The following FILIP1L variants were observed in gnomAD, a reference collection of about 807,000 sequenced individuals.
FILIP1L encodes filamin A interacting protein 1 like.
FILIP1L carries 55 observed loss-of-function variants against 96.6 expected under a neutral mutation model. The observed-to-expected ratio is 0.57, with a 90% confidence interval of 0.46 to 0.71. The LOEUF (loss-of-function observed/expected upper bound fraction) is 0.71, where lower values mean the gene tolerates loss of function less well. Ranked by LOEUF, FILIP1L falls within the 30% of genes least tolerant of loss-of-function variation. The pLI, the probability that FILIP1L is intolerant of heterozygous loss-of-function variation, is 0.00. For synonymous variants in FILIP1L, 467 were observed against 473.9 expected (o/e 0.99, Z 0.19); for missense variants, 1,304 against 1,321.2 (o/e 0.99, Z 0.20).
chr3:100,077,770 C>A (rs2065872580), intron 1 of FILIP1L, among the ~76,000 whole-genome samples: 1 of 152,048 alleles, frequency 6.6e-6, no homozygotes, highest in Admixed American at 6.6e-5. Context: ...ATTAGCCAAG[C>A]ATGGCTGTGC....
chr3:99,997,414 G>T (rs775263178), intron 1 of FILIP1L, among the ~76,000 whole-genome samples: 51 of 152,318 alleles, frequency 3.3e-4, no homozygotes, highest in Non-Finnish European at 6.0e-4. Flanking sequence ...TTGGGAAAAT[G>T]AGTCACATGT....
chr3:100,108,156 A>G (rs1480810921), intron 1 of FILIP1L, among the ~76,000 whole-genome samples: 1 of 152,174 alleles, frequency 6.6e-6, no homozygotes, highest in Non-Finnish European at 1.5e-5. Context: ...TGACATTTCT[A>G]GCCCATGGCT....
At chr3:99,957,095 A>G (rs757501885) in intron 1 of FILIP1L, among the ~76,000 whole-genome samples, 7 of 152,220 alleles carry the variant, frequency 4.6e-5, no homozygotes, top group Non-Finnish European at 1.0e-4. Context: ...TAAGAATAAA[A>G]ATACTTGTGT....
intron 1 of FILIP1L, among the ~76,000 whole-genome samples, chr3:100,009,471 G>C (rs1710081000): frequency 6.6e-6 from 1 of 152,126 alleles, no homozygotes; most frequent in Admixed American, 6.5e-5. Context: ...GTGACTGTGG[G>C]TCAGAGCTAA....
chr3:99,919,109 C>T (rs956470759), intron 4 of FILIP1L, among the ~76,000 whole-genome samples: 61 of 151,826 alleles, frequency 4.0e-4, no homozygotes, highest in African/African-American at 1.5e-3. Context: ...TTGTAGGATA[C>T]CCTTAAAAGC....
chr3:100,006,176 G>A (rs1354118530), intron 1 of FILIP1L, among the ~76,000 whole-genome samples: 1 of 152,070 alleles, frequency 6.6e-6, no homozygotes, highest in Admixed American at 6.6e-5. Context: ...CTGGGGGCTG[G>A]GGCAGTAAGA....
intron 4 of FILIP1L, among the ~76,000 whole-genome samples, chr3:99,867,235 A>G (rs1489468219): frequency 6.6e-6 from 1 of 152,190 alleles, no homozygotes; most frequent in Non-Finnish European, 1.5e-5. Context: ...GTCCCTGAGC[A>G]GGAGTTTCAC....
chr3:100,057,377 A>T (rs1159849933), intron 1 of FILIP1L, among the ~76,000 whole-genome samples: 1 of 152,206 alleles, frequency 6.6e-6, no homozygotes, highest in Non-Finnish European at 1.5e-5. Context: ...AATACTCATT[A>T]TATCATCAAG....
intron 1 of FILIP1L, among the ~76,000 whole-genome samples, chr3:99,992,349 T>A (rs1709549078): frequency 6.6e-6 from 1 of 152,114 alleles, no homozygotes; most frequent in African/African-American, 2.4e-5. Context: ...TTTGACTCTT[T>A]AATAATAGCC....
chr3:99,837,863 T>G (rs1220195070), intron 5 of FILIP1L, among the ~76,000 whole-genome samples: 5 of 152,228 alleles, frequency 3.3e-5, no homozygotes, highest in African/African-American at 1.2e-4. Flanking sequence ...GTGGTGCTTG[T>G]CTTTATAGTG....
At chr3:100,014,895 C>CTTTTTT (rs1233573719) in intron 1 of FILIP1L, among the ~76,000 whole-genome samples, 10 of 25,008 alleles carry the variant, frequency 4.0e-4, no homozygotes, top group African/African-American at 1.1e-3. Flanking sequence ...TTCTTTCTTT[C>CTTTTTT]TTTTTTTTTT....
Position 99,900,739 on chromosome 3 carries a change from C to A in FILIP1L, c.605+23491G>T, listed in dbSNP as rs576771309. On this transcript the variant is annotated intron_variant, in intron 4 of 5. Transcript: ENST00000477258. ...GTGCTGATACTCAAACTGAGCTGCA[C>A]GTTGGAACTACCTGGTGTGAGCTTT... Among the ~76,000 whole-genome samples the A allele has an allele frequency of 5.3e-5, 8 of 152,302 alleles. No individual in the cohort carries two copies. The South Asian group carries it at 1.4e-3, about 28-fold the overall frequency.
rs943040073 is a variant in FILIP1L, at chr3:99,850,452, T to A, written c.1224A>T (p.Leu408Phe). Residue 408 changes from leucine to phenylalanine, a missense_variant, in exon 5 of 6, where the codon TTA becomes TTT. Coordinates refer to ENST00000477258, the MANE Select transcript of FILIP1L (RefSeq NM_001387850.1). ...CCTCTAGTTTAAAGTCTTTACTCTG[T>A]AACGTCTCCCTTTCAAGCCTCTTAT... Reference protein sequence around the residue: ...DLNKRLERETLQSKDFKLEVE... With the variant: ...DLNKRLERETFQSKDFKLEVE... 2 of 1,614,086 alleles carry A rather than the reference T, an allele frequency of 1.2e-6. No individual in the cohort carries two copies. The highest frequency in any genetic ancestry group is 8.5e-7 in the Non-Finnish European group (1 of 1,180,012).
At chr3:100,046,725 C>T (rs1277327375) in intron 1 of FILIP1L, among the ~76,000 whole-genome samples, 1 of 152,194 alleles carries the variant, frequency 6.6e-6, no homozygotes, top group Non-Finnish European at 1.5e-5. Flanking sequence ...GAGAAAAATA[C>T]TCAAAATGCT....
intron 4 of FILIP1L, among the ~76,000 whole-genome samples, chr3:99,917,375 A>T (rs191723694): frequency 1.3e-5 from 2 of 152,320 alleles, no homozygotes; most frequent in Non-Finnish European, 2.9e-5. Context: ...GACCTCCCGT[A>T]ACACCAGGCA....
chr3:99,840,598 T>C (rs757158038), intron 5 of FILIP1L, among the ~76,000 whole-genome samples: 2 of 152,200 alleles, frequency 1.3e-5, no homozygotes, highest in Non-Finnish European at 2.9e-5. Context: ...AGAAGTTTAA[T>C]TTCTGGAGGA....
intron 1 of FILIP1L, among the ~76,000 whole-genome samples, chr3:99,944,243 A>G (rs1163792635): frequency 6.6e-6 from 1 of 152,172 alleles, no homozygotes; most frequent in Non-Finnish European, 1.5e-5. Flanking sequence ...AGCTGAAGAA[A>G]TTGGGATTTG....
At chr3:100,057,577 C>T (rs1463093754) in intron 1 of FILIP1L, among the ~76,000 whole-genome samples, 6 of 152,214 alleles carry the variant, frequency 3.9e-5, no homozygotes, top group Admixed American at 2.0e-4. Flanking sequence ...TGCTCCCCTC[C>T]TGCAAACAGG....
chr3:99,981,566 A>G (rs1236329558), intron 1 of FILIP1L, among the ~76,000 whole-genome samples: 1 of 152,192 alleles, frequency 6.6e-6, no homozygotes, highest in Non-Finnish European at 1.5e-5. Flanking sequence ...ATATCTATAT[A>G]CCTATATACT....
Sources: allele counts gnomAD v4.1 joint callset (sites outside exome capture counted in the v4.1 genomes callset), GRCh38; gene constraint gnomAD v4.1.1; transcripts MANE v1.5; gene names NCBI Gene and HGNC (gene_info 2026-07-23, HGNC 2026-07-21).